SPHKAP: variants seen among roughly 807,000 people sequenced by gnomAD.
The protein encoded by SPHKAP is SPHK1 interactor, AKAP domain containing.
A neutral mutation model predicts 137.5 loss-of-function variants in SPHKAP; 67 were observed. That is an observed-to-expected ratio of 0.49 (90% CI 0.40 to 0.60). The LOEUF (loss-of-function observed/expected upper bound fraction) is 0.60. SPHKAP is among the 20% of genes least tolerant of loss of function. SPHKAP has a pLI of 0.00. For synonymous variants in SPHKAP, 813 were observed against 785.3 expected, an observed-to-expected ratio of 1.04 and a Z score of -0.59; for missense variants, 2,097 against 2,069.3, an observed-to-expected ratio of 1.01 and a Z score of -0.26.
intron 1 of SPHKAP, among the ~76,000 whole-genome samples, chr2:228,163,061 A>G (rs189792156): frequency 6.6e-6 from 1 of 152,194 alleles, no homozygotes; most frequent in African/African-American, 2.4e-5. Context: ...CAGCTTTGTT[A>G]CAGCCACAGA....
At chr2:228,082,238 C>T (rs1013274249) in intron 3 of SPHKAP, among the ~76,000 whole-genome samples, 5 of 151,994 alleles carry the variant, frequency 3.3e-5, no homozygotes, top group Admixed American at 2.0e-4. Flanking sequence ...GTGACATGGC[C>T]GGGAGGAGAT....
chr2:228,173,990 G>T lies in SPHKAP; in HGVS notation c.32+7577C>A, dbSNP rs145190072. Reference sequence around the variant, plus strand: ...GGAGAAAAACTCTGTTAATCCATGTGGCAGAATATGTCACCTCTTCTACCT... The same window carrying T: ...GGAGAAAAACTCTGTTAATCCATGTTGCAGAATATGTCACCTCTTCTACCT... On this transcript the variant is annotated intron_variant, in intron 1 of 11. Transcript: ENST00000392056. Among the ~76,000 whole-genome samples the T allele has an allele frequency of 6.8e-3, 1,033 of 152,280 alleles. 16 individuals are homozygous for T. The highest frequency in any genetic ancestry group is 0.023 in the African/African-American group (964 of 41,548).
intron 11 of SPHKAP, among the ~76,000 whole-genome samples, chr2:227,984,707 C>G (rs1350856661): frequency 6.6e-6 from 1 of 152,152 alleles, no homozygotes; most frequent in Non-Finnish European, 1.5e-5. Flanking sequence ...CTCTCCAGCT[C>G]TTACTGGAAA....
chr2:228,015,319 CATT>C (rs1462053781), intron 7 of SPHKAP, among the ~76,000 whole-genome samples: 1 of 151,622 alleles, frequency 6.6e-6, no homozygotes, highest in Non-Finnish European at 1.5e-5. Context: ...TCCAGTCTAT[CATT>C]GTTGGACATT....
In SPHKAP at chr2:228,017,352, A is replaced by G. The variant is rs749976836; in HGVS notation, c.3502T>C (p.Cys1168Arg). 6.2e-7 allele frequency: 1 copy of G among 1,613,784 alleles called. No individual in the cohort carries two copies. The highest frequency in any genetic ancestry group is 1.7e-5 in the Admixed American group (1 of 60,016). Residue 1168 changes from cysteine (C) to arginine (R), a missense_variant, in exon 7 of 12, where the codon TGC (cysteine) becomes CGC (arginine). Transcript: ENST00000392056. ...SILNSAMQQA[C>R]RKSDHLSVRP... Reference sequence around the variant, plus strand: ...ACACTGAGGTGGTCACTTTTCCGGCACGCCTGTTGCATGGCTGAGTTCAGA... The same window carrying G: ...ACACTGAGGTGGTCACTTTTCCGGCGCGCCTGTTGCATGGCTGAGTTCAGA...
chr2:228,180,457 T>C (rs889446203), intron 1 of SPHKAP, among the ~76,000 whole-genome samples: 3 of 151,850 alleles, frequency 2.0e-5, no homozygotes, highest in African/African-American at 7.2e-5. Context: ...CCAGTGGATA[T>C]TGGGTTTTGC....
chr2:228,031,778 T>G (rs1448427489), intron 3 of SPHKAP, among the ~76,000 whole-genome samples: 1 of 152,208 alleles, frequency 6.6e-6, no homozygotes, highest in Non-Finnish European at 1.5e-5. Flanking sequence ...AAACATGGTC[T>G]GGAATGGACC....
At chr2:228,057,120 C>T (rs1019745841) in intron 3 of SPHKAP, among the ~76,000 whole-genome samples, 3 of 152,098 alleles carry the variant, frequency 2.0e-5, no homozygotes, top group African/African-American at 4.8e-5. Flanking sequence ...TTCTATACCA[C>T]GAATGAAGAA....
At chr2:227,989,228 C>A (rs1385330013) in intron 11 of SPHKAP, among the ~76,000 whole-genome samples, 1 of 152,106 alleles carries the variant, frequency 6.6e-6, no homozygotes, top group African/African-American at 2.4e-5. Context: ...GAGAAAGATC[C>A]TTTTAAAATA....
intron 2 of SPHKAP, among the ~76,000 whole-genome samples, chr2:228,117,552 G>C (rs942497950): frequency 6.6e-6 from 1 of 152,100 alleles, no homozygotes; most frequent in African/African-American, 2.4e-5. Context: ...TTGGAATGAA[G>C]GCAAGTACTA....
chr2:228,174,695 C>T (rs1443760141), intron 1 of SPHKAP, among the ~76,000 whole-genome samples: 1 of 152,086 alleles, frequency 6.6e-6, no homozygotes. Context: ...TAGAAAAACA[C>T]TTCCAAGGGA....
At chr2:228,158,189 T>C (rs1700165150) in intron 1 of SPHKAP, among the ~76,000 whole-genome samples, 1 of 152,196 alleles carries the variant, frequency 6.6e-6, no homozygotes, top group Non-Finnish European at 1.5e-5. Context: ...GACCATACAT[T>C]CAAGCAACTC....
intron 11 of SPHKAP, among the ~76,000 whole-genome samples, chr2:227,985,429 G>A (rs1033012021): frequency 3.9e-5 from 6 of 152,020 alleles, no homozygotes; most frequent in African/African-American, 7.2e-5. Flanking sequence ...GTTCTTTACC[G>A]GGCTTTTAAA....
chr2:228,131,252 C>T, intron 2 of SPHKAP: 1 of 974,138 alleles, frequency 1.0e-6, no homozygotes, highest in Non-Finnish European at 1.2e-6. Context: ...AATATTTTTG[C>T]AATAAATGAA....
chr2:228,078,478 G>A (rs1030602723), intron 3 of SPHKAP, among the ~76,000 whole-genome samples: 1 of 151,236 alleles, frequency 6.6e-6, no homozygotes, highest in Non-Finnish European at 1.5e-5. Context: ...TTCTGTGGTG[G>A]TGGTGTAGGA....
intron 1 of SPHKAP, among the ~76,000 whole-genome samples, chr2:228,142,887 T>C (rs1228287609): frequency 6.6e-6 from 1 of 152,198 alleles, no homozygotes; most frequent in East Asian, 1.9e-4. Context: ...TGCATGTTGC[T>C]TCTGGGAGTA....
At chr2:228,082,294 C>T (rs1697388825) in intron 3 of SPHKAP, among the ~76,000 whole-genome samples, 1 of 152,194 alleles carries the variant, frequency 6.6e-6, no homozygotes, top group Non-Finnish European at 1.5e-5. Context: ...GCTCAGATTT[C>T]ATCGCTTTAT....
intron 3 of SPHKAP, among the ~76,000 whole-genome samples, chr2:228,066,302 C>A (rs1412775966): frequency 1.3e-5 from 2 of 152,084 alleles, no homozygotes; most frequent in Admixed American, 1.3e-4. Flanking sequence ...TTGAAATAAG[C>A]CTGTGTTCTG....
At chr2:228,003,623 G>C (rs1455943420) in intron 7 of SPHKAP, among the ~76,000 whole-genome samples, 3 of 152,156 alleles carry the variant, frequency 2.0e-5, no homozygotes, top group South Asian at 2.1e-4. Flanking sequence ...GTGAGAAAGG[G>C]CATCCCTGTC....
Sources: allele counts gnomAD v4.1 joint callset (sites outside exome capture counted in the v4.1 genomes callset), GRCh38; gene constraint gnomAD v4.1.1; transcripts MANE v1.5; gene names NCBI Gene and HGNC (gene_info 2026-07-23, HGNC 2026-07-21).